MEIG1: variants seen among roughly 807,000 people sequenced by gnomAD.
MEIG1 encodes meiosis/spermiogenesis associated 1, also known as meiosis expressed gene 1 protein homolog.
A neutral mutation model predicts 11.3 loss-of-function variants in MEIG1; 12 were observed. The ratio of observed to expected loss-of-function variants is 1.07; its 90% CI spans 0.68 to 1.73. The LOEUF (loss-of-function observed/expected upper bound fraction) is 1.73, where lower values mean the gene tolerates loss of function less well. Among genes scored for constraint, MEIG1 ranks in the 40% most tolerant of loss-of-function variants. The pLI, the probability that MEIG1 is intolerant of heterozygous loss-of-function variation, is 0.00. For synonymous variants in MEIG1, 41 were observed against 33.2 expected (o/e 1.24, Z -0.81); for missense variants, 119 against 104.9 (o/e 1.13, Z -0.59).
At chr10:14,976,745 T>A (rs1220133303), downstream of MEIG1, among the ~76,000 whole-genome samples, 6 of 152,004 alleles carry the variant, frequency 3.9e-5, no homozygotes, top group Admixed American at 6.6e-5. Context: ...TCTATAGAAA[T>A]GTTACTCGTA....
At chr10:14,977,685 A>G (rs1300034203), downstream of MEIG1, among the ~76,000 whole-genome samples, 2 of 151,936 alleles carry the variant, frequency 1.3e-5, no homozygotes, top group Non-Finnish European at 2.9e-5. Context: ...ACCCTGTGAT[A>G]TTATTTGTAA....
At chr10:14,986,729 C>A in intron 1 of MEIG1, 1 of 311,914 alleles carries the variant, frequency 3.2e-6, no homozygotes, top group South Asian at 2.9e-5. Context: ...TGGGCCTCGG[C>A]CCTGCGAATA....
chr10:14,966,943 A>G (rs1042462704), intron 2 of MEIG1, among the ~76,000 whole-genome samples: 1 of 152,100 alleles, frequency 6.6e-6, no homozygotes, highest in African/African-American at 2.4e-5. Flanking sequence ...GTGTTTGGCC[A>G]GGCTGGTCTT....
chr10:14,982,777 T>A (rs1037887289), intron 1 of MEIG1, among the ~76,000 whole-genome samples: 1 of 152,096 alleles, frequency 6.6e-6, no homozygotes, highest in African/African-American at 2.4e-5. Flanking sequence ...TAACAACTGA[T>A]CATATAATTC....
chr10:14,982,034 A>G lies in MEIG1; in HGVS notation n.67-4762A>G, dbSNP rs115639455. Reference sequence around the variant, plus strand: ...CCCTGCAAGCCCAGCCTGCTTCTGCAGTTTTCTTCTAAGGTCTTCCGCGCT... The same window carrying G: ...CCCTGCAAGCCCAGCCTGCTTCTGCGGTTTTCTTCTAAGGTCTTCCGCGCT... On this transcript the variant is annotated intron_variant and non_coding_transcript_variant, in intron 1 of 2. Coordinates refer to the MEIG1 transcript ENST00000467536. Among the ~76,000 whole-genome samples the G allele has an allele frequency of 7.0e-3, 1,065 of 152,278 alleles. 7 individuals are homozygous for G. The highest frequency in any genetic ancestry group is 0.024 in the African/African-American group (1,016 of 41,550).
intron 2 of MEIG1, among the ~76,000 whole-genome samples, chr10:14,970,875 T>C (rs1001570987): frequency 1.3e-5 from 2 of 152,166 alleles, no homozygotes; most frequent in Non-Finnish European, 2.9e-5. Flanking sequence ...ATAGATGGTG[T>C]TGAAGAGCAG....
intron 1 of MEIG1, among the ~76,000 whole-genome samples, chr10:14,981,927 CTT>C (rs1843269722): frequency 1.3e-5 from 2 of 152,198 alleles, no homozygotes; most frequent in South Asian, 4.1e-4. Flanking sequence ...CCTCCATTCT[CTT>C]TGCGCTTTTC....
intron 1 of MEIG1, among the ~76,000 whole-genome samples, chr10:14,963,238 A>T (rs1564503379): frequency 6.6e-6 from 1 of 152,102 alleles, no homozygotes; most frequent in Non-Finnish European, 1.5e-5. Context: ...CTGGGATTAC[A>T]GGCATGCGCC....
upstream of MEIG1, among the ~76,000 whole-genome samples, chr10:14,956,249 G>A (rs1842949283): frequency 6.6e-6 from 1 of 152,126 alleles, no homozygotes; most frequent in Non-Finnish European, 1.5e-5. Context: ...TGATTCTGAT[G>A]GACCCTAAAG....
intron 2 of MEIG1, among the ~76,000 whole-genome samples, chr10:14,969,829 C>T (rs1233739116): frequency 6.6e-6 from 1 of 152,124 alleles, no homozygotes. Context: ...GAGCGAGACT[C>T]CCCCACAAAA....
intron 1 of MEIG1, among the ~76,000 whole-genome samples, chr10:14,979,914 G>A (rs549743717): frequency 6.6e-6 from 1 of 152,082 alleles, no homozygotes; most frequent in East Asian, 1.9e-4. Flanking sequence ...ATTGTCAGAG[G>A]AGTTTAACAT....
At chr10:14,961,641 T>TTTTTTTTTTTTTG (rs1843014576) in intron 1 of MEIG1, among the ~76,000 whole-genome samples, 1 of 128,090 alleles carries the variant, frequency 7.8e-6, no homozygotes, top group African/African-American at 3.0e-5. Flanking sequence ...CCGGCTAATT[T>TTTTTTTTTTTTTG]TTTTTTTTTT....
chr10:14,985,562 G>A (rs1254437699), intron 1 of MEIG1, among the ~76,000 whole-genome samples: 2 of 151,910 alleles, frequency 1.3e-5, no homozygotes, highest in Non-Finnish European at 2.9e-5. Flanking sequence ...TATCCTAGGG[G>A]CATGATCTCC....
chr10:14,973,676 A>G (rs12414983), downstream of MEIG1, among the ~76,000 whole-genome samples: 101,796 of 150,608 alleles, frequency 0.68, 34,631 homozygotes, highest in African/African-American at 0.7. Flanking sequence ...AGGCTGAGGC[A>G]GGAGAATGGT....
intron 1 of MEIG1, among the ~76,000 whole-genome samples, chr10:14,979,603 G>A (rs1219916092): frequency 6.6e-6 from 1 of 151,842 alleles, no homozygotes; most frequent in Non-Finnish European, 1.5e-5. Flanking sequence ...TCAACCCTGG[G>A]ATCTTATTTG....
chr10:14,977,450 A>G (rs1317892556), downstream of MEIG1, among the ~76,000 whole-genome samples: 16 of 152,004 alleles, frequency 1.1e-4, no homozygotes, highest in Admixed American at 7.2e-4. Context: ...AGTTACAGGG[A>G]TGTACACCGT....
intron 2 of MEIG1, chr10:14,987,314 AG>A (rs1216305120): frequency 2.0e-5 from 16 of 812,888 alleles, no homozygotes; most frequent in Non-Finnish European, 3.0e-5. Context: ...CAGGTTCCTC[AG>A]AACCATGACC....
At chr10:14,978,182 G>A (rs536492839) in intron 1 of MEIG1, among the ~76,000 whole-genome samples, 2 of 152,004 alleles carry the variant, frequency 1.3e-5, no homozygotes, top group African/African-American at 4.8e-5. Flanking sequence ...AATATCCACA[G>A]GGAATGTTAC....
At chr10:14,984,074 C>A (rs749910859) in intron 1 of MEIG1, among the ~76,000 whole-genome samples, 4 of 151,972 alleles carry the variant, frequency 2.6e-5, no homozygotes, top group Non-Finnish European at 5.9e-5. Context: ...GATGTACACC[C>A]GTGTATGATA....
Sources: allele counts gnomAD v4.1 joint callset (sites outside exome capture counted in the v4.1 genomes callset), GRCh38; gene constraint gnomAD v4.1.1; transcripts MANE v1.5; gene names NCBI Gene and HGNC (gene_info 2026-07-23, HGNC 2026-07-21).